Variants in RAI1 observed in about 807,000 individuals in gnomAD.
The protein encoded by RAI1 is retinoic acid-induced protein 1.
Under a neutral mutation model 123.8 loss-of-function variants are expected in RAI1, and 9 were observed. That is an observed-to-expected ratio of 0.07 (90% CI 0.04 to 0.13). RAI1 has a LOEUF of 0.13. Among genes scored for constraint, RAI1 ranks in the 10% least tolerant of loss-of-function variants. RAI1 has a pLI of 1.00. For missense variants in RAI1, 2,256 were observed against 2,545.8 expected (o/e 0.89, Z 2.45); for synonymous variants, 1,231 against 1,127.3 (o/e 1.09, Z -1.84).
intron 1 of RAI1, among the ~76,000 whole-genome samples, chr17:17,691,960 A>C (rs2142867412): frequency 6.6e-6 from 1 of 152,326 alleles, no homozygotes; most frequent in Admixed American, 6.5e-5. Context: ...GGGGTGAGGG[A>C]GGCGGGAAGT....
intron 1 of RAI1, among the ~76,000 whole-genome samples, chr17:17,699,026 G>T (rs1915127639): frequency 1.3e-5 from 2 of 152,256 alleles, no homozygotes; most frequent in Admixed American, 1.3e-4. Flanking sequence ...AGGGAGTCCT[G>T]TGCTTAGACT....
At chr17:17,758,131 G>A (rs1445300373) in intron 2 of RAI1, among the ~76,000 whole-genome samples, 1 of 152,110 alleles carries the variant, frequency 6.6e-6, no homozygotes, top group African/African-American at 2.4e-5. Context: ...TTCCCCCTCC[G>A]AGCGTTTTAC....
intron 2 of RAI1, among the ~76,000 whole-genome samples, chr17:17,757,201 AG>A (rs1467081167): frequency 6.6e-6 from 1 of 152,090 alleles, no homozygotes; most frequent in East Asian, 1.9e-4. Flanking sequence ...ACAGCTGTGG[AG>A]GTGTTGGGTG....
At chr17:17,738,637 G>A (rs1164822745) in intron 2 of RAI1, among the ~76,000 whole-genome samples, 1 of 152,230 alleles carries the variant, frequency 6.6e-6, no homozygotes, top group Admixed American at 6.5e-5. Flanking sequence ...AGGTGGCTCT[G>A]AGGTGCTGGG....
At chr17:17,701,196 C>T (rs1379734762) in intron 1 of RAI1, among the ~76,000 whole-genome samples, 1 of 152,140 alleles carries the variant, frequency 6.6e-6, no homozygotes, top group Non-Finnish European at 1.5e-5. Flanking sequence ...CTGGGTGTGT[C>T]CTCCCTCTGG....
At chr17:17,783,644 G>T (rs1195224055) in intron 2 of RAI1, among the ~76,000 whole-genome samples, 1 of 152,094 alleles carries the variant, frequency 6.6e-6, no homozygotes, top group Non-Finnish European at 1.5e-5. Flanking sequence ...CCCTGCTCGC[G>T]CTGGGGCGCG....
At chr17:17,792,300 GGT>G (rs917133162) in intron 2 of RAI1, among the ~76,000 whole-genome samples, 1 of 152,030 alleles carries the variant, frequency 6.6e-6, no homozygotes, top group African/African-American at 2.4e-5. Flanking sequence ...TGATAGAGGA[GGT>G]GTGTGTGTGC....
At chr17:17,692,172 G>A (rs1914861212) in intron 1 of RAI1, among the ~76,000 whole-genome samples, 1 of 152,238 alleles carries the variant, frequency 6.6e-6, no homozygotes, top group South Asian at 2.1e-4. Context: ...TAAACAAAGA[G>A]GACCTGGTCT....
At chr17:17,802,208 T>G (rs2143004819) in intron 3 of RAI1, 2 of 469,536 alleles carry the variant, frequency 4.3e-6, no homozygotes, top group Middle Eastern at 6.5e-4. Flanking sequence ...AGGACAGTTT[T>G]GAGACTTAGA....
chr17:17,770,087 G>A (rs1326065390), intron 2 of RAI1, among the ~76,000 whole-genome samples: 1 of 152,100 alleles, frequency 6.6e-6, no homozygotes, highest in African/African-American at 2.4e-5. Flanking sequence ...CAAGGCCTGT[G>A]ATGGGAGGGG....
Position 17,714,720 on chromosome 17 carries a change from C to A in RAI1, c.-148-9308C>A, listed in dbSNP as rs1915660846. 6.6e-6 allele frequency among the ~76,000 whole-genome samples: 1 copy of A among 152,180 alleles called. No homozygotes were observed. Among genetic ancestry groups the A allele is most frequent in the African/African-American group, 2.4e-5 (1 of 41,438 alleles). On this transcript the variant is annotated intron_variant, in intron 1 of 5. Transcript: ENST00000353383. The surrounding 1 kb of genome is among the most constrained non-coding windows in gnomAD (Gnocchi z 4.9). ...GGAAGCTGAGCAGCAGGCAGCCTCTCCCCTGCAGAAGGGCACAGAAGCAGG... is the reference window on the plus strand; with the variant it reads ...GGAAGCTGAGCAGCAGGCAGCCTCTACCCTGCAGAAGGGCACAGAAGCAGG...
chr17:17,791,812 G>A (rs944039987), intron 2 of RAI1, among the ~76,000 whole-genome samples: 15 of 152,158 alleles, frequency 9.9e-5, no homozygotes, highest in African/African-American at 3.6e-4. Flanking sequence ...CTTTACCCTG[G>A]ATGCTGGGCT....
intron 2 of RAI1, among the ~76,000 whole-genome samples, chr17:17,745,034 C>T (rs1916779635): frequency 6.6e-6 from 1 of 152,026 alleles, no homozygotes; most frequent in Non-Finnish European, 1.5e-5. Context: ...GAGACTGACC[C>T]CTAAGCTGAT....
chr17:17,774,677 C>G (rs564752228), intron 2 of RAI1, among the ~76,000 whole-genome samples: 13 of 152,264 alleles, frequency 8.5e-5, no homozygotes, highest in Non-Finnish European at 1.2e-4. Context: ...CCAGCAAGGA[C>G]CAGTCAGGGA....
chr17:17,781,370 T>G (rs1352751604), intron 2 of RAI1, among the ~76,000 whole-genome samples: 2 of 152,140 alleles, frequency 1.3e-5, no homozygotes, highest in Non-Finnish European at 2.9e-5. Flanking sequence ...GAGGGAGAGA[T>G]CCAGTCAAAG....
chr17:17,746,300 C>T (rs894899144), intron 2 of RAI1, among the ~76,000 whole-genome samples: 1 of 152,234 alleles, frequency 6.6e-6, no homozygotes, highest in Non-Finnish European at 1.5e-5. Flanking sequence ...GATGCGCTTC[C>T]GTGCCGCAGC....
chr17:17,803,774 G>A lies in RAI1; in HGVS notation c.5584G>A (p.Glu1862Lys). 6.2e-7 allele frequency: 1 copy of A among 1,613,470 alleles called. No individual in the cohort carries two copies. The highest frequency in any genetic ancestry group is 1.7e-5 in the Admixed American group (1 of 60,028). ...AVDMMCSSCQ[E>K]AGATIGCCHK... Reference sequence around the variant, plus strand: ...TCATCAGATGTGTTCCAGCTGCCAAGAAGCCGGGGCCACCATTGGGTGCTG... The same window carrying A: ...TCATCAGATGTGTTCCAGCTGCCAAAAAGCCGGGGCCACCATTGGGTGCTG... Residue 1862 changes from glutamate (E) to lysine (K), a missense_variant, in exon 4 of 6, where the codon GAA becomes AAA. By Grantham distance (56) the Glu-to-Lys change is moderately conservative. Around this residue, in one of 7 missense-constraint regions of RAI1, gnomAD observed 243 missense variants for 316.6 expected, o/e 0.77. Coordinates refer to ENST00000353383, the MANE Select transcript of RAI1 (RefSeq NM_030665.4).
chr17:17,765,659 G>A (rs1365716766), intron 2 of RAI1, among the ~76,000 whole-genome samples: 2 of 152,246 alleles, frequency 1.3e-5, no homozygotes, highest in Non-Finnish European at 2.9e-5. Flanking sequence ...CAAGTCACCC[G>A]TTTCACAAGA....
chr17:17,717,604 C>T (rs1915750267), intron 1 of RAI1, among the ~76,000 whole-genome samples: 1 of 152,142 alleles, frequency 6.6e-6, no homozygotes, highest in Admixed American at 6.5e-5. Flanking sequence ...TGTCATCCTC[C>T]CCACTCCCCA....
Sources: allele counts gnomAD v4.1 joint callset (sites outside exome capture counted in the v4.1 genomes callset), GRCh38; gene constraint gnomAD v4.1.1; regional missense constraint gnomAD v4.1.1; non-coding constraint Gnocchi (gnomAD v3.1); transcripts MANE v1.5; gene names NCBI Gene and HGNC (gene_info 2026-07-23, HGNC 2026-07-21).